USP32: variants seen among roughly 807,000 people sequenced by gnomAD.
USP32 encodes ubiquitin specific peptidase 32.
In USP32, 59 loss-of-function variants were observed where a neutral mutation model predicts 204.8. That is an observed-to-expected ratio of 0.29 (90% CI 0.23 to 0.36). USP32 has a LOEUF of 0.36. USP32 is among the 10% of genes least tolerant of loss of function. The pLI, the probability that USP32 is intolerant of heterozygous loss-of-function variation, is 1.00. For synonymous variants in USP32, 517 were observed against 678.4 expected (o/e 0.76, Z 3.70); for missense variants, 1,160 against 1,946.4 (o/e 0.60, Z 7.60).
chr17:60,287,216 C>T (rs1341904484), intron 5 of USP32, among the ~76,000 whole-genome samples: 3 of 152,126 alleles, frequency 2.0e-5, no homozygotes, highest in South Asian at 2.1e-4. Context: ...AGCCAGTTAA[C>T]GTTCTTTTCT....
At position 60,183,325 on chromosome 17, in the gene USP32, C is replaced by G. The variant is rs766496009; in HGVS notation, c.3963G>C (p.Gln1321His). ...FLVPRDPALC[Q>H]HKPLTPQGDE... ...CCCCCTGGGGTGTGAGTGGTTTATG[C>G]TGGCAGAGAGCCGGGTCTCTTGGTA... Residue 1321 changes from glutamine (Q) to histidine (H), a missense_variant, in exon 31 of 34, where the codon CAG becomes CAC. Transcript: ENST00000300896. The G allele has an allele frequency of 6.2e-7, 1 of 1,613,984 alleles. No homozygotes were observed. Among genetic ancestry groups the G allele is most frequent in the Non-Finnish European group, 8.5e-7 (1 of 1,179,864 alleles).
chr17:60,270,502 A>C (rs1598173344), intron 6 of USP32, among the ~76,000 whole-genome samples: 1 of 152,248 alleles, frequency 6.6e-6, no homozygotes, highest in East Asian at 1.9e-4. Context: ...ATGTGCTCAC[A>C]ATTATATTTG....
In USP32 at chr17:60,252,715, C is replaced by G. The variant is rs1352695583; in HGVS notation, c.1075-273G>C. On this transcript the variant is annotated intron_variant, in intron 10 of 33. Transcript: ENST00000300896. ...AGGAAGAAAAAGCGAAAGGGGAAGA[C>G]ATTACCTCAGGAACAGATTTCAGAA... Among the ~76,000 whole-genome samples, 3 of 152,118 alleles carry G rather than the reference C, an allele frequency of 2.0e-5. No individual in the cohort carries two copies. In the East Asian group the frequency reaches 5.8e-4, roughly 29 times the overall value.
chr17:60,390,372 T>C (rs2089809733), intron 1 of USP32, among the ~76,000 whole-genome samples: 1 of 152,178 alleles, frequency 6.6e-6, no homozygotes, highest in African/African-American at 2.4e-5. Flanking sequence ...ATGTAAGCCA[T>C]TGCCTAATTG....
At chr17:60,353,548 T>A (rs2089001018) in intron 1 of USP32, among the ~76,000 whole-genome samples, 1 of 151,950 alleles carries the variant, frequency 6.6e-6, no homozygotes, top group Admixed American at 6.6e-5. Flanking sequence ...CGAGACCAGC[T>A]TGGCCAACAC....
chr17:60,283,244 G>A (rs561849657), intron 5 of USP32, among the ~76,000 whole-genome samples: 54 of 152,250 alleles, frequency 3.5e-4, no homozygotes, highest in Non-Finnish European at 6.8e-4. Flanking sequence ...GTGTGGTCAC[G>A]GTATATTGAC....
intron 1 of USP32, among the ~76,000 whole-genome samples, chr17:60,364,431 G>A (rs1422378472): frequency 6.6e-6 from 1 of 152,212 alleles, no homozygotes; most frequent in Non-Finnish European, 1.5e-5. Context: ...CCAGGCTAGA[G>A]TGCGGTGGCG....
intron 33 of USP32, among the ~76,000 whole-genome samples, 153 bp downstream of exon 33, chr17:60,180,391 AC>A (rs1460765808): frequency 6.6e-6 from 1 of 152,174 alleles, no homozygotes; most frequent in African/African-American, 2.4e-5. Flanking sequence ...TCTGCATATA[AC>A]TTTTGTTCCT....
intron 1 of USP32, among the ~76,000 whole-genome samples, chr17:60,389,161 A>G (rs2089784224): frequency 6.6e-6 from 1 of 152,222 alleles, no homozygotes; most frequent in Admixed American, 6.5e-5. Flanking sequence ...AATATAAACA[A>G]GTAGATGAAA....
At chr17:60,257,346 G>GTT (rs1484158316) in intron 9 of USP32, among the ~76,000 whole-genome samples, 1 of 152,140 alleles carries the variant, frequency 6.6e-6, no homozygotes, top group Non-Finnish European at 1.5e-5. Flanking sequence ...ATTGGGGGGA[G>GTT]TCAGTATGAA....
intron 12 of USP32, among the ~76,000 whole-genome samples, chr17:60,228,842 T>G (rs570267905): frequency 3.7e-4 from 56 of 151,594 alleles, no homozygotes; most frequent in Admixed American, 7.9e-4. Context: ...TTTTGTTTTT[T>G]TTTTTGGTAG....
chr17:60,412,063 C>T (rs187568064), intron 1 of USP32, among the ~76,000 whole-genome samples: 48 of 152,180 alleles, frequency 3.2e-4, no homozygotes, highest in African/African-American at 8.4e-4. Context: ...CTCTGATGAG[C>T]CTGTTAGAGC....
chr17:60,366,436 C>G (rs1036390517), intron 1 of USP32, among the ~76,000 whole-genome samples: 2 of 151,978 alleles, frequency 1.3e-5, no homozygotes, highest in African/African-American at 4.8e-5. Flanking sequence ...GGATTACAGG[C>G]ATGAGCCACA....
At chr17:60,362,266 GAA>G (rs1232123809) in intron 1 of USP32, among the ~76,000 whole-genome samples, 8 of 152,094 alleles carry the variant, frequency 5.3e-5, no homozygotes, top group African/African-American at 1.9e-4. Flanking sequence ...ATAAAAATGT[GAA>G]GAAAAATATA....
At chr17:60,318,127 A>G (rs1330611316) in intron 2 of USP32, among the ~76,000 whole-genome samples, 1 of 152,266 alleles carries the variant, frequency 6.6e-6, no homozygotes, top group Non-Finnish European at 1.5e-5. Flanking sequence ...CAAAGTTGGT[A>G]GGGATGGCTA....
chr17:60,408,523 G>T (rs2089995925), intron 1 of USP32, among the ~76,000 whole-genome samples: 1 of 151,980 alleles, frequency 6.6e-6, no homozygotes, highest in African/African-American at 2.4e-5. Context: ...GATTATAGGT[G>T]CATGCCACCA....
chr17:60,339,205 C>T (rs2088595881), intron 2 of USP32, among the ~76,000 whole-genome samples: 1 of 151,998 alleles, frequency 6.6e-6, no homozygotes, highest in Non-Finnish European at 1.5e-5. Flanking sequence ...GCCACCGCGC[C>T]CAGCCTAGAA....
chr17:60,219,065 T>C (rs922006597), intron 16 of USP32, among the ~76,000 whole-genome samples: 2 of 152,188 alleles, frequency 1.3e-5, no homozygotes, highest in Non-Finnish European at 2.9e-5. Context: ...AGGCTTGATG[T>C]TTTTTCAAAG....
At chr17:60,346,742 G>C (rs191068091) in intron 1 of USP32, among the ~76,000 whole-genome samples, 2 of 152,272 alleles carry the variant, frequency 1.3e-5, no homozygotes, top group East Asian at 3.9e-4. Flanking sequence ...AGAGAAAACA[G>C]AGAATTCTTC....
Sources: allele counts gnomAD v4.1 joint callset (sites outside exome capture counted in the v4.1 genomes callset), GRCh38; gene constraint gnomAD v4.1.1; transcripts MANE v1.5; gene names NCBI Gene and HGNC (gene_info 2026-07-23, HGNC 2026-07-21).